The following PUM2 variants were observed in gnomAD, a reference collection of about 807,000 sequenced individuals.
PUM2 encodes pumilio RNA binding family member 2.
A neutral mutation model predicts 124.5 loss-of-function variants in PUM2; 57 were observed. The observed-to-expected ratio is 0.46, with a 90% confidence interval of 0.37 to 0.57. PUM2 has a LOEUF of 0.57. Ranked by LOEUF, PUM2 falls within the 20% of genes least tolerant of loss-of-function variation. PUM2 has a pLI of 0.00. For synonymous variants in PUM2, 460 were observed against 446.1 expected (o/e 1.03, Z -0.39); for missense variants, 1,065 against 1,290.6 (o/e 0.83, Z 2.68).
At chr2:20,287,419 A>G (rs1226279427) in intron 10 of PUM2, among the ~76,000 whole-genome samples, 1 of 152,214 alleles carries the variant, frequency 6.6e-6, no homozygotes, top group Non-Finnish European at 1.5e-5. Flanking sequence ...ATAGTTAATC[A>G]CAAAATGTTT....
chr2:20,297,486 A>G, intron 8 of PUM2, 67 bp downstream of exon 8: 1 of 1,334,648 alleles, frequency 7.5e-7, no homozygotes, highest in Non-Finnish European at 9.9e-7. Flanking sequence ...GAGAAAAATA[A>G]AGCTTACACC....
At chr2:20,312,105 G>T in intron 4 of PUM2, 131 bp downstream of exon 4, 1 of 782,760 alleles carries the variant, frequency 1.3e-6, no homozygotes, top group Non-Finnish European at 2.0e-6. Flanking sequence ...CAGAAGAATA[G>T]CAATAATAGT....
chr2:20,283,013 C>T lies in PUM2; in HGVS notation c.1654G>A (p.Gly552Ser). The T allele has an allele frequency of 6.2e-7, 1 of 1,614,060 alleles. No individual in the cohort carries two copies. Among genetic ancestry groups the T allele is most frequent in the Non-Finnish European group, 8.5e-7 (1 of 1,179,988 alleles). Residue 552 changes from glycine (G) to serine (S), a missense_variant, in exon 12 of 21, where the codon GGC (glycine) becomes AGC (serine). By Grantham distance (56) the Gly-to-Ser change is moderately conservative (BLOSUM62 0). This residue lies in a region of PUM2 where 968 missense variants were observed against 1,159.8 expected (regional missense o/e 0.83). Coordinates refer to ENST00000361078, the MANE Select transcript of PUM2 (RefSeq NM_015317.5). The stretch of plus-strand genomic sequence containing the variant: ...CCCAAAGAGTTACCACTTCCAAAGC[C>T]AAGAGATGTACTTCCAGGTTGACCA... ...GPGQPGSTSL[G>S]FGSGNSLGAA...
chr2:20,272,596 C>G (rs987151893), intron 13 of PUM2, among the ~76,000 whole-genome samples: 2 of 152,186 alleles, frequency 1.3e-5, no homozygotes, highest in Non-Finnish European at 2.9e-5. Context: ...TGGTATCCAG[C>G]AGTATTAAGT....
intron 3 of PUM2, among the ~76,000 whole-genome samples, chr2:20,315,836 C>CA (rs60828412): frequency 0.048 from 3,460 of 72,268 alleles, 150 homozygotes; most frequent in African/African-American, 0.15. Flanking sequence ...AACCTGGTCT[C>CA]AAAAAAAAAA....
chr2:20,295,540 G>A (rs1325633499), intron 8 of PUM2, among the ~76,000 whole-genome samples: 1 of 150,424 alleles, frequency 6.6e-6, no homozygotes, highest in African/African-American at 2.4e-5. Flanking sequence ...CCAAAAAAAG[G>A]GTACATTGTA....
At chr2:20,257,909 A>C (rs1481796439) in intron 16 of PUM2, among the ~76,000 whole-genome samples, 1 of 152,224 alleles carries the variant, frequency 6.6e-6, no homozygotes, top group Non-Finnish European at 1.5e-5. Flanking sequence ...TTTTCTTCTT[A>C]TAATAGAAAC....
At chr2:20,337,140 A>C (rs1686289603) in intron 1 of PUM2, among the ~76,000 whole-genome samples, 1 of 152,110 alleles carries the variant, frequency 6.6e-6, no homozygotes, top group Admixed American at 6.6e-5. Context: ...GAAGCAGATT[A>C]CACAGACTGT....
chr2:20,308,421 C>G lies in PUM2; in HGVS notation c.682G>C (p.Glu228Gln). The part of the protein sequence containing the change: ...NPETQNLDAM[E>Q]QVGLESLQFD... Reference sequence around the variant, plus strand: ...TGTAAGGATTCCAGACCAACTTGTTCCATGGCATCCAGATTCTGAGTTTCA... The same window carrying G: ...TGTAAGGATTCCAGACCAACTTGTTGCATGGCATCCAGATTCTGAGTTTCA... The change falls in exon 6 of 21, where the codon GAA becomes CAA. Residue 228 changes from glutamate to glutamine, a missense_variant. By Grantham distance (29) the Glu-to-Gln change is conservative. Around this residue, in one of 3 missense-constraint regions of PUM2, gnomAD observed 968 missense variants for 1,159.8 expected, o/e 0.83. Coordinates refer to ENST00000361078, the MANE Select transcript of PUM2 (RefSeq NM_015317.5). 1 of 1,614,048 alleles carries G rather than the reference C, an allele frequency of 6.2e-7. No homozygotes were observed. The highest frequency in any genetic ancestry group is 8.5e-7 in the Non-Finnish European group (1 of 1,179,978).
chr2:20,263,119 C>T, intron 14 of PUM2, 74 bp downstream of exon 14: 2 of 1,421,934 alleles, frequency 1.4e-6, no homozygotes, highest in Non-Finnish European at 1.9e-6. Flanking sequence ...GACTAAAGTC[C>T]AGAAAAATTT....
rs536528617 is a variant in PUM2, at chr2:20,266,785, A to G, written c.1958-3325T>C. Among the ~76,000 whole-genome samples the G allele has an allele frequency of 8.5e-4, 130 of 152,298 alleles. 1 individual carries two copies. The highest frequency in any genetic ancestry group is 3.1e-3 in the African/African-American group (128 of 41,574). On this transcript the variant is annotated intron_variant, in intron 13 of 20. Transcript: ENST00000361078. ...TTCGAGATTAAAGAAAAGAGCAGTG[A>G]TGAAAGTAATCCGTGATCCTCAATT...
intron 20 of PUM2, among the ~76,000 whole-genome samples, chr2:20,253,571 C>A (rs1476909079): frequency 2.0e-5 from 3 of 151,756 alleles, no homozygotes; most frequent in African/African-American, 7.3e-5. Flanking sequence ...TCTCAAACTC[C>A]TGGGCTCAAG....
At chr2:20,333,383 A>G (rs904312378) in intron 1 of PUM2, among the ~76,000 whole-genome samples, 2 of 152,148 alleles carry the variant, frequency 1.3e-5, no homozygotes, top group African/African-American at 4.8e-5. Flanking sequence ...AAAATTAAAA[A>G]ATTAGCTGGG....
intron 5 of PUM2, among the ~76,000 whole-genome samples, chr2:20,308,884 T>C (rs1015281224): frequency 6.6e-6 from 1 of 152,212 alleles, no homozygotes; most frequent in African/African-American, 2.4e-5. Context: ...CTTAGGCTTA[T>C]ACTACCTGAA....
chr2:20,293,916 C>A (rs543650832), intron 9 of PUM2, among the ~76,000 whole-genome samples: 1 of 152,048 alleles, frequency 6.6e-6, no homozygotes, highest in South Asian at 2.1e-4. Context: ...AAACATCTTT[C>A]TTTTTCCAGA....
chr2:20,271,924 C>T (rs1669101566), intron 13 of PUM2, among the ~76,000 whole-genome samples: 1 of 151,990 alleles, frequency 6.6e-6, no homozygotes, highest in African/African-American at 2.4e-5. Context: ...TTTGGGAGAC[C>T]GAGGCAAGTG....
chr2:20,258,650 CTTT>C (rs1057217780), intron 15 of PUM2, among the ~76,000 whole-genome samples: 3 of 93,842 alleles, frequency 3.2e-5, no homozygotes, highest in African/African-American at 4.1e-5. Flanking sequence ...AACCCTTCAT[CTTT>C]TTTTTTTTTT....
intron 8 of PUM2, among the ~76,000 whole-genome samples, chr2:20,295,569 G>A (rs1032435413): frequency 6.6e-6 from 1 of 151,122 alleles, no homozygotes; most frequent in South Asian, 2.1e-4. Context: ...ACAATAAAAA[G>A]ATACATTGTA....
intron 13 of PUM2, among the ~76,000 whole-genome samples, chr2:20,267,559 A>T (rs1359203999): frequency 6.6e-6 from 1 of 152,240 alleles, no homozygotes; most frequent in Non-Finnish European, 1.5e-5. Flanking sequence ...GTCTAAAAGC[A>T]GCTATGTTCT....
Sources: gnomAD v4.1 joint callset for allele counts (sites outside exome capture counted in the v4.1 genomes callset) on GRCh38, gnomAD v4.1.1 for gene constraint, gnomAD v4.1.1 regional missense constraint, MANE v1.5 for transcripts, NCBI Gene and HGNC (gene_info 2026-07-23, HGNC 2026-07-21) for gene names.